Variants in RBPMS observed in about 807,000 individuals in gnomAD.
RBPMS encodes the protein RNA binding protein, mRNA processing factor, also known as RNA-binding protein with multiple splicing.
Under a neutral mutation model 26.8 loss-of-function variants are expected in RBPMS, and 7 were observed. The observed-to-expected ratio is 0.26, with a 90% CI of 0.15 to 0.49. The LOEUF (loss-of-function observed/expected upper bound fraction) is 0.49, where lower values mean the gene tolerates loss of function less well. RBPMS is among the 20% of genes least tolerant of loss of function. The pLI is 0.98. For synonymous variants in RBPMS, 96 were observed against 93.3 expected (o/e 1.03, Z -0.17); for missense variants, 186 against 250.0 (o/e 0.74, Z 1.73).
rs77110815 is a variant in RBPMS, at chr8:30,457,916, A to G, written c.67-16863A>G. Among the ~76,000 whole-genome samples, 733 of 152,350 alleles carry G rather than the reference A, an allele frequency of 4.8e-3. 2 individuals carry two copies. The highest frequency in any genetic ancestry group is 0.01 in the Middle Eastern group (3 of 294). On this transcript the variant is annotated intron_variant, in intron 1 of 8. Transcript: ENST00000397323. ...AAGTATTTTTTCTGTCCCTGCTAGC[A>G]GAAAGTGTAACAAGGTAGCATTTGA... is the stretch of plus-strand genomic sequence containing the variant.
intron 1 of RBPMS, among the ~76,000 whole-genome samples, chr8:30,456,165 T>G (rs10954996): frequency 0.66 from 100,978 of 152,094 alleles, 34,201 homozygotes; most frequent in Middle Eastern, 0.79. Context: ...TGTTATATAT[T>G]TATCTGATAT....
chr8:30,516,241 G>A (rs1822293387), intron 5 of RBPMS, among the ~76,000 whole-genome samples: 1 of 152,180 alleles, frequency 6.6e-6, no homozygotes, highest in African/African-American at 2.4e-5. Flanking sequence ...TTAGCCGGCT[G>A]TGGTGGAGGG....
intron 5 of RBPMS, 98 bp from the exon 6 acceptor site, chr8:30,544,396 G>T: frequency 8.3e-7 from 1 of 1,206,924 alleles, no homozygotes; most frequent in South Asian, 1.3e-5. Context: ...TTTGACTTCC[G>T]ACAGTGATTG....
intron 7 of RBPMS, chr8:30,561,894 G>A (rs1827518640): frequency 1.0e-6 from 1 of 985,190 alleles, no homozygotes; most frequent in Admixed American, 6.2e-5. Context: ...GAGATCCTGG[G>A]TTTCATTTGT....
intron 4 of RBPMS, among the ~76,000 whole-genome samples, chr8:30,480,319 C>G (rs1375865769): frequency 6.6e-6 from 1 of 152,116 alleles, no homozygotes; most frequent in Non-Finnish European, 1.5e-5. Context: ...CCTGCAGGTA[C>G]CCCTGGCAGC....
chr8:30,558,441 G>T, intron 6 of RBPMS: 1 of 230,996 alleles, frequency 4.3e-6, no homozygotes, highest in Non-Finnish European at 8.7e-6. Flanking sequence ...AGTAGTCCTG[G>T]CCAGGCCACT....
At chr8:30,519,334 TCTC>T (rs1563403326) in intron 5 of RBPMS, among the ~76,000 whole-genome samples, 2 of 152,318 alleles carry the variant, frequency 1.3e-5, no homozygotes, top group South Asian at 2.1e-4. Flanking sequence ...ATTGCTTCTT[TCTC>T]CTCCTCCTCA....
chr8:30,545,100 G>T, intron 6 of RBPMS: 1 of 1,353,474 alleles, frequency 7.4e-7, no homozygotes. Context: ...CTTCCAGGGG[G>T]GAAGGCTGTA....
At chr8:30,545,206 G>T (rs1207071592) in intron 6 of RBPMS, 21 of 1,289,850 alleles carry the variant, frequency 1.6e-5, no homozygotes, top group African/African-American at 3.0e-5. Flanking sequence ...GTCTAAGATG[G>T]AATTACAGGT....
intron 4 of RBPMS, among the ~76,000 whole-genome samples, chr8:30,489,653 C>T (rs1819176617): frequency 6.6e-6 from 1 of 151,714 alleles, no homozygotes; most frequent in Non-Finnish European, 1.5e-5. Context: ...CCCCGTTGGT[C>T]AGGCTGGTCT....
chr8:30,395,461 C>CCAAAAA (rs1491402867), intron 1 of RBPMS, among the ~76,000 whole-genome samples: 1 of 43,804 alleles, frequency 2.3e-5, no homozygotes, highest in African/African-American at 1.8e-4. Context: ...GACTCTGTCT[C>CCAAAAA]AAAAAAAAAA....
At chr8:30,436,943 GA>G in intron 1 of RBPMS, among the ~76,000 whole-genome samples, 1 of 139,518 alleles carries the variant, frequency 7.2e-6, no homozygotes, top group East Asian at 2.0e-4. Context: ...TTTTTTTTGA[GA>G]GGGAGTCTTG....
chr8:30,532,262 C>T (rs186325777), intron 5 of RBPMS, among the ~76,000 whole-genome samples: 21 of 152,276 alleles, frequency 1.4e-4, no homozygotes, highest in Non-Finnish European at 2.1e-4. Flanking sequence ...CTCCCTGCCA[C>T]CTCCCTCTGG....
intron 6 of RBPMS, chr8:30,552,340 GGA>G (rs1156940911): frequency 6.6e-6 from 1 of 152,192 alleles, no homozygotes; most frequent in Non-Finnish European, 1.5e-5. Flanking sequence ...TCATAAAAGG[GGA>G]GAGTGAACTT....
At chr8:30,489,602 G>A (rs1240229811) in intron 4 of RBPMS, among the ~76,000 whole-genome samples, 3 of 151,578 alleles carry the variant, frequency 2.0e-5, no homozygotes, top group African/African-American at 4.8e-5. Flanking sequence ...GCGCCGCCAC[G>A]CCCGGCGAAT....
intron 4 of RBPMS, among the ~76,000 whole-genome samples, chr8:30,482,365 T>C (rs948285794): frequency 2.0e-5 from 3 of 152,244 alleles, no homozygotes; most frequent in Non-Finnish European, 2.9e-5. Flanking sequence ...CTGAATCCAG[T>C]AAATTTCTCT....
chr8:30,550,781 G>C (rs182472834), intron 6 of RBPMS, among the ~76,000 whole-genome samples: 195 of 152,306 alleles, frequency 1.3e-3, no homozygotes, highest in African/African-American at 4.3e-3. Flanking sequence ...GGCTGGACAC[G>C]GCCACCGGAA....
chr8:30,536,447 CTAGA>C (rs1413510637), intron 5 of RBPMS, among the ~76,000 whole-genome samples: 5 of 152,088 alleles, frequency 3.3e-5, no homozygotes, highest in African/African-American at 9.7e-5. Flanking sequence ...TTTTTATGGA[CTAGA>C]TAGAGATGTA....
In RBPMS at chr8:30,432,082, C is replaced by T. The variant is rs1008618669; in HGVS notation, c.67-42697C>T. Among the ~76,000 whole-genome samples the T allele has an allele frequency of 2.6e-5, 4 of 152,124 alleles. No individual in the cohort carries two copies. The East Asian group carries it at 5.8e-4, about 22-fold the overall frequency. ...TCAAGGCTGCAGTGAGCCATGATCA[C>T]GCCGCTGCACTCCAGCCTGGACAAC... On this transcript the variant is annotated intron_variant, in intron 1 of 8. Coordinates refer to ENST00000397323, the MANE Select transcript of RBPMS (RefSeq NM_001008710.3).
Sources: allele counts gnomAD v4.1 joint callset (sites outside exome capture counted in the v4.1 genomes callset), GRCh38; gene constraint gnomAD v4.1.1; transcripts MANE v1.5; gene names NCBI Gene and HGNC (gene_info 2026-07-23, HGNC 2026-07-21).